The following GLG1 variants were observed in gnomAD, a reference collection of about 807,000 sequenced individuals.
GLG1 encodes the protein Golgi apparatus protein 1.
A neutral mutation model predicts 160.5 loss-of-function variants in GLG1; 38 were observed. The ratio of observed to expected loss-of-function variants is 0.24; its 90% CI spans 0.18 to 0.31. The LOEUF (loss-of-function observed/expected upper bound fraction) is 0.31, where lower values mean the gene tolerates loss of function less well. Among genes scored for constraint, GLG1 ranks in the 10% least tolerant of loss-of-function variants. The pLI, the probability that GLG1 is intolerant of heterozygous loss-of-function variation, is 1.00. For missense variants in GLG1, 1,373 were observed against 1,505.2 expected (o/e 0.91, Z 1.45); for synonymous variants, 644 against 543.4 (o/e 1.19, Z -2.57).
At chr16:74,525,804 C>T (rs1449000450) in intron 2 of GLG1, among the ~76,000 whole-genome samples, 1 of 150,590 alleles carries the variant, frequency 6.6e-6, no homozygotes, top group Non-Finnish European at 1.5e-5. Context: ...ATTGTATAGG[C>T]TGCCATTCAA....
rs558336565 is a variant in GLG1 at position 74,479,971 on chromosome 16, T to C, written c.1827+270A>G. On this transcript the variant is annotated intron_variant, in intron 11 of 25. Transcript: ENST00000422840. Reference sequence around the variant, plus strand: ...AGGACAGCAGAATTTAACTGTCCATTTGTGATTCAGATTTTGGGAATTAAA... The same window carrying C: ...AGGACAGCAGAATTTAACTGTCCATCTGTGATTCAGATTTTGGGAATTAAA... 5.3e-5 allele frequency among the ~76,000 whole-genome samples: 8 copies of C among 151,996 alleles called. No homozygotes were observed. In the East Asian group the frequency reaches 1.5e-3, roughly 29 times the overall value.
At chr16:74,487,225 T>C (rs978865290) in intron 8 of GLG1, among the ~76,000 whole-genome samples, 28 of 152,166 alleles carry the variant, frequency 1.8e-4, no homozygotes, top group Non-Finnish European at 5.9e-5. Context: ...AAATCTTTAA[T>C]AATAGAAAGC....
At chr16:74,472,705 C>G in intron 13 of GLG1, 2 of 540,686 alleles carry the variant, frequency 3.7e-6, no homozygotes, top group South Asian at 3.2e-5. Context: ...TTAGAGTATG[C>G]AAAGCCTTTG....
chr16:74,515,487 A>C (rs1484173881), intron 2 of GLG1, among the ~76,000 whole-genome samples: 1 of 152,092 alleles, frequency 6.6e-6, no homozygotes, highest in Non-Finnish European at 1.5e-5. Context: ...TCAGGATTAA[A>C]TATCTCACTC....
At chr16:74,574,392 G>A (rs999359383) in intron 1 of GLG1, among the ~76,000 whole-genome samples, 1 of 152,144 alleles carries the variant, frequency 6.6e-6, no homozygotes, top group African/African-American at 2.4e-5. Flanking sequence ...AACAGTAACA[G>A]ATAGGGATAC....
chr16:74,469,746 G>C, intron 16 of GLG1: 1 of 523,982 alleles, frequency 1.9e-6, no homozygotes, highest in Non-Finnish European at 3.5e-6. Context: ...TAGATGGCCT[G>C]ACCTGGAAAA....
At chr16:74,562,887 C>T (rs2018547562) in intron 1 of GLG1, among the ~76,000 whole-genome samples, 1 of 152,104 alleles carries the variant, frequency 6.6e-6, no homozygotes, top group African/African-American at 2.4e-5. Flanking sequence ...CCCTTGTTAC[C>T]CACAATGAAG....
chr16:74,552,473 G>A (rs1471305418), intron 1 of GLG1: 26 of 496,076 alleles, frequency 5.2e-5, no homozygotes, highest in East Asian at 3.2e-4. Context: ...CCTTACCAAC[G>A]ACTGTATCCA....
intron 2 of GLG1, among the ~76,000 whole-genome samples, chr16:74,512,377 C>T (rs2016841926): frequency 6.6e-6 from 1 of 151,976 alleles, no homozygotes; most frequent in South Asian, 2.1e-4. Flanking sequence ...AATTCTCCTG[C>T]CTCAGCCTCC....
Position 74,506,640 on chromosome 16 carries a change from C to T in GLG1, c.558+2199G>A, listed in dbSNP as rs1208553914. Reference sequence around the variant, plus strand: ...ACCAGGAGCACATTTTGAACTGTAGCCTCAATAAGAAACTAAATGTAAATT... The same window carrying T: ...ACCAGGAGCACATTTTGAACTGTAGTCTCAATAAGAAACTAAATGTAAATT... On this transcript the variant is annotated intron_variant, in intron 3 of 25. Coordinates refer to ENST00000422840, the MANE Select transcript of GLG1 (RefSeq NM_001145667.2). Among the ~76,000 whole-genome samples the T allele has an allele frequency of 7.1e-5, 10 of 141,630 alleles. No individual in the cohort carries two copies. The Admixed American group carries it at 7.3e-4, about 10-fold the overall frequency. 92.9% of individuals were successfully genotyped at this position (141,630 alleles called of 152,430 possible).
At chr16:74,569,888 A>G (rs2143775103) in intron 1 of GLG1, among the ~76,000 whole-genome samples, 1 of 151,298 alleles carries the variant, frequency 6.6e-6, no homozygotes, top group Non-Finnish European at 1.5e-5. Context: ...AAAAAAAAAA[A>G]AGCAACGGTT....
intron 1 of GLG1, among the ~76,000 whole-genome samples, chr16:74,555,581 T>G (rs2018329158): frequency 6.6e-6 from 1 of 151,674 alleles, no homozygotes; most frequent in Admixed American, 6.6e-5. Flanking sequence ...TCCTAGCTGC[T>G]TGGGAGGCTG....
intron 18 of GLG1, among the ~76,000 whole-genome samples, chr16:74,467,441 G>C (rs1009337569): frequency 8.5e-5 from 13 of 152,196 alleles, no homozygotes; most frequent in African/African-American, 2.7e-4. Flanking sequence ...GAGGTGCAGA[G>C]CATTGAGAAT....
At chr16:74,506,350 G>T (rs1332920058) in intron 3 of GLG1, among the ~76,000 whole-genome samples, 1 of 151,366 alleles carries the variant, frequency 6.6e-6, no homozygotes, top group Admixed American at 6.6e-5. Flanking sequence ...AGGCCCAGGC[G>T]GGCGGATCAC....
intron 3 of GLG1, 77 bp downstream of exon 3, chr16:74,508,762 A>C: frequency 2.8e-6 from 2 of 702,674 alleles, no homozygotes; most frequent in East Asian, 2.5e-5. Context: ...TAACTGAGTC[A>C]TTCTTCTCAT....
At chr16:74,521,877 G>A (rs909430559) in intron 2 of GLG1, among the ~76,000 whole-genome samples, 13 of 152,208 alleles carry the variant, frequency 8.5e-5, no homozygotes, top group African/African-American at 2.9e-4. Context: ...CCTTGGCTCA[G>A]AAGCCTCAGG....
At chr16:74,544,931 A>G in intron 1 of GLG1, among the ~76,000 whole-genome samples, 1 of 151,806 alleles carries the variant, frequency 6.6e-6, no homozygotes, top group Non-Finnish European at 1.5e-5. Context: ...AAGAGTGTTA[A>G]TTCTGCATTG....
At chr16:74,595,583 T>A (rs1316550653) in intron 1 of GLG1, among the ~76,000 whole-genome samples, 1 of 152,214 alleles carries the variant, frequency 6.6e-6, no homozygotes, top group Non-Finnish European at 1.5e-5. Flanking sequence ...CTCCCAACCA[T>A]TTCCTGTACT....
chr16:74,527,384 G>A (rs1010678186), intron 2 of GLG1, among the ~76,000 whole-genome samples: 2 of 151,086 alleles, frequency 1.3e-5, no homozygotes, highest in Non-Finnish European at 2.9e-5. Context: ...TGAGTAGCTG[G>A]GATTACTGGT....
Sources: allele counts gnomAD v4.1 joint callset (sites outside exome capture counted in the v4.1 genomes callset), GRCh38; gene constraint gnomAD v4.1.1; transcripts MANE v1.5; gene names NCBI Gene and HGNC (gene_info 2026-07-23, HGNC 2026-07-21).